Variants in EIPR1 observed in about 807,000 individuals in gnomAD.
EIPR1 encodes EARP complex and GARP complex interacting protein 1, also known as EARP and GARP complex-interacting protein 1.
Under a neutral mutation model 48.1 loss-of-function variants are expected in EIPR1, and 25 were observed. The ratio of observed to expected loss-of-function variants is 0.52; its 90% confidence interval spans 0.38 to 0.73. The LOEUF (loss-of-function observed/expected upper bound fraction) is 0.73, where lower values mean the gene tolerates loss of function less well. Among genes scored for constraint, EIPR1 ranks in the 30% least tolerant of loss-of-function variants. The pLI is 0.00. For synonymous variants in EIPR1, 204 were observed against 201.9 expected (o/e 1.01, Z -0.09); for missense variants, 415 against 506.2 (o/e 0.82, Z 1.73).
chr2:3,216,447 C>T (rs1385681426), intron 4 of EIPR1, among the ~76,000 whole-genome samples: 1 of 152,194 alleles, frequency 6.6e-6, no homozygotes, highest in Non-Finnish European at 1.5e-5. Flanking sequence ...AGCACCAAGA[C>T]ACTTGGGGTT....
At chr2:3,194,223 T>G in intron 6 of EIPR1, 57 bp from the exon 7 acceptor site, 1 of 1,594,404 alleles carries the variant, frequency 6.3e-7, no homozygotes, top group Admixed American at 1.7e-5. Context: ...GAAAAGCCAC[T>G]GCGTGCTGCG....
chr2:3,336,064 C>T (rs990549089), intron 3 of EIPR1, among the ~76,000 whole-genome samples: 6 of 152,114 alleles, frequency 3.9e-5, no homozygotes, highest in African/African-American at 1.2e-4. Context: ...TAGGAAGGGC[C>T]TCTCAAGAAG....
chr2:3,216,938 G>A (rs7595382), intron 4 of EIPR1, among the ~76,000 whole-genome samples: 77,247 of 152,102 alleles, frequency 0.51, 20,243 homozygotes, highest in East Asian at 0.73. Context: ...AAAGGCCTCT[G>A]AACAACTTTG....
chr2:3,358,113 C>T (rs1670772681), intron 1 of EIPR1, among the ~76,000 whole-genome samples: 1 of 152,180 alleles, frequency 6.6e-6, no homozygotes, highest in African/African-American at 2.4e-5. Context: ...TCCGAATACA[C>T]CTGACACCCA....
intron 3 of EIPR1, among the ~76,000 whole-genome samples, chr2:3,300,190 T>C (rs546787758): frequency 2.4e-4 from 36 of 152,334 alleles, no homozygotes; most frequent in Middle Eastern, 6.8e-3. Flanking sequence ...GTTTTCACAA[T>C]TGCAAAATGA....
At chr2:3,256,329 C>T (rs1013192609) in intron 4 of EIPR1, among the ~76,000 whole-genome samples, 2 of 152,110 alleles carry the variant, frequency 1.3e-5, no homozygotes, top group Admixed American at 6.5e-5. Flanking sequence ...GGGGCCACAG[C>T]GTACAGTTCG....
intron 3 of EIPR1, among the ~76,000 whole-genome samples, chr2:3,260,441 A>C (rs1485288398): frequency 1.5e-5 from 2 of 135,296 alleles, no homozygotes; most frequent in African/African-American, 2.7e-5. Context: ...CAGTGAGCTA[A>C]GATTGTGCCA....
chr2:3,312,551 T>C lies in EIPR1; in HGVS notation c.259+25466A>G, dbSNP rs1669160952. ...AGGCTCCCTCCCACCACTCAGCACC[T>C]GCTCATCATTGTCAGCATGTTTCTG... is the stretch of plus-strand genomic sequence containing the variant. On this transcript the variant is annotated intron_variant, in intron 3 of 8. Transcript: ENST00000382125. The surrounding 1 kb of genome is among the most constrained non-coding windows in gnomAD (Gnocchi z 5.5). Among the ~76,000 whole-genome samples the C allele has an allele frequency of 6.6e-6, 1 of 152,194 alleles. No individual in the cohort carries two copies. The highest frequency in any genetic ancestry group is 2.4e-5 in the African/African-American group (1 of 41,452).
At chr2:3,352,951 C>T (rs1244652305) in intron 2 of EIPR1, among the ~76,000 whole-genome samples, 3 of 152,154 alleles carry the variant, frequency 2.0e-5, no homozygotes, top group East Asian at 1.9e-4. Context: ...GAGCTGAGAT[C>T]GTGCCATTGC....
chr2:3,260,499 A>G (rs1667296369), intron 3 of EIPR1, among the ~76,000 whole-genome samples: 1 of 50,308 alleles, frequency 2.0e-5, no homozygotes, highest in African/African-American at 8.6e-5. Context: ...TCAAAAAATG[A>G]AGGAAGGAAG....
In EIPR1 at chr2:3,350,281, T is replaced by A. The variant is rs974953481; in HGVS notation, c.126+4269A>T. ...GAAGGGTGAATGGGAAGCAGGCACA[T>A]CTTCACATGGCAATAGGAGAGAGCA... On this transcript the variant is annotated intron_variant, in intron 2 of 8. Transcript: ENST00000382125. Among the ~76,000 whole-genome samples the A allele has an allele frequency of 3.3e-5, 5 of 152,138 alleles. No individual in the cohort carries two copies. The East Asian group carries it at 9.7e-4, about 29-fold the overall frequency.
chr2:3,334,119 T>C (rs1367726961), intron 3 of EIPR1, among the ~76,000 whole-genome samples: 1 of 152,184 alleles, frequency 6.6e-6, no homozygotes, highest in East Asian at 1.9e-4. Context: ...GGAGCTTCTC[T>C]ATAAGCACCC....
chr2:3,352,226 T>C (rs898213102), intron 2 of EIPR1, among the ~76,000 whole-genome samples: 2 of 130,232 alleles, frequency 1.5e-5, no homozygotes, highest in Non-Finnish European at 3.2e-5. Context: ...CCCTGAGCCA[T>C]CCATACTGTC....
At chr2:3,303,051 C>T (rs1010353463) in intron 3 of EIPR1, among the ~76,000 whole-genome samples, 20 of 152,248 alleles carry the variant, frequency 1.3e-4, no homozygotes, top group African/African-American at 4.8e-4. Context: ...GACAGTGGCG[C>T]TGGCTCACAG....
chr2:3,320,784 A>C (rs1485938739), intron 3 of EIPR1, among the ~76,000 whole-genome samples: 1 of 152,216 alleles, frequency 6.6e-6, no homozygotes, highest in Non-Finnish European at 1.5e-5. Flanking sequence ...TCTGTTGTTA[A>C]TTCAGCAGAT....
chr2:3,273,577 T>C (rs576018299), intron 3 of EIPR1, among the ~76,000 whole-genome samples: 2 of 151,798 alleles, frequency 1.3e-5, no homozygotes, highest in Non-Finnish European at 2.9e-5. Flanking sequence ...TTATAAAAAA[T>C]AAGAATCTAC....
chr2:3,347,572 C>T (rs1021546075), intron 2 of EIPR1, among the ~76,000 whole-genome samples: 14 of 152,124 alleles, frequency 9.2e-5, no homozygotes, highest in East Asian at 5.8e-4. Context: ...TTTTCTTTCC[C>T]GTCTCGGGTA....
intron 1 of EIPR1, among the ~76,000 whole-genome samples, chr2:3,376,378 TCTCTGA>T (rs1477629388): frequency 6.6e-6 from 1 of 151,982 alleles, no homozygotes; most frequent in Admixed American, 6.6e-5. Flanking sequence ...CACTGCTGCC[TCTCTGA>T]CTGTAACCTA....
chr2:3,226,113 A>C (rs1289703635), intron 4 of EIPR1, among the ~76,000 whole-genome samples: 1 of 152,126 alleles, frequency 6.6e-6, no homozygotes, highest in Admixed American at 6.6e-5. Context: ...AGGTGCAGGG[A>C]TCTCTTTGAG....
Sources: gnomAD v4.1 joint callset for allele counts (sites outside exome capture counted in the v4.1 genomes callset) on GRCh38, gnomAD v4.1.1 for gene constraint, Gnocchi (gnomAD v3.1) non-coding constraint, MANE v1.5 for transcripts, NCBI Gene and HGNC (gene_info 2026-07-23, HGNC 2026-07-21) for gene names.